Variants in AGBL4 observed in about 807,000 individuals in gnomAD.
The protein encoded by AGBL4 is cytosolic carboxypeptidase 6.
A neutral mutation model predicts 66.4 loss-of-function variants in AGBL4; 58 were observed. The observed-to-expected ratio is 0.87, with a 90% confidence interval of 0.71 to 1.09. The LOEUF (loss-of-function observed/expected upper bound fraction) is 1.09. Among genes scored for constraint, AGBL4 ranks in the 50% least tolerant of loss-of-function variants. The pLI is 0.00. For missense variants in AGBL4, 579 were observed against 631.0 expected (o/e 0.92, Z 0.88); for synonymous variants, 234 against 222.9 (o/e 1.05, Z -0.44).
At chr1:49,694,259 G>T in intron 3 of AGBL4, among the ~76,000 whole-genome samples, 1 of 152,050 alleles carries the variant, frequency 6.6e-6, no homozygotes, top group Non-Finnish European at 1.5e-5. Flanking sequence ...ATTATAGAAA[G>T]AGATGCTATA....
intron 5 of AGBL4, among the ~76,000 whole-genome samples, chr1:48,947,250 T>A (rs1368054394): frequency 2.6e-5 from 4 of 152,234 alleles, no homozygotes; most frequent in African/African-American, 7.2e-5. Context: ...CTTCATTACA[T>A]TTTAAAATAG....
At chr1:49,462,411 C>CA (rs2148700568) in intron 3 of AGBL4, among the ~76,000 whole-genome samples, 1 of 151,788 alleles carries the variant, frequency 6.6e-6, no homozygotes, top group African/African-American at 2.4e-5. Context: ...ACACTGACCA[C>CA]ATTGAAATGA....
At chr1:48,745,342 T>G (rs1650574764) in intron 6 of AGBL4, among the ~76,000 whole-genome samples, 2 of 152,106 alleles carry the variant, frequency 1.3e-5, no homozygotes, top group African/African-American at 4.8e-5. Flanking sequence ...GGCTGTTAAG[T>G]TGAAATCAGA....
At chr1:48,901,475 C>T (rs1312672308) in intron 5 of AGBL4, among the ~76,000 whole-genome samples, 1 of 151,992 alleles carries the variant, frequency 6.6e-6, no homozygotes, top group Non-Finnish European at 1.5e-5. Flanking sequence ...CAAATGTGCA[C>T]CAATTCGAAC....
chr1:49,443,251 G>T (rs2148671280), intron 3 of AGBL4, among the ~76,000 whole-genome samples: 1 of 152,000 alleles, frequency 6.6e-6, no homozygotes, highest in African/African-American at 2.4e-5. Flanking sequence ...TTCTTTTGTT[G>T]TGAAGAAGCT....
intron 5 of AGBL4, among the ~76,000 whole-genome samples, chr1:48,970,772 T>A (rs774363052): frequency 2.6e-5 from 4 of 152,112 alleles, no homozygotes; most frequent in African/African-American, 4.8e-5. Context: ...GGTAGTGGAA[T>A]AAGCACAGCA....
At chr1:49,633,625 A>G (rs962976671) in intron 3 of AGBL4, among the ~76,000 whole-genome samples, 1 of 152,028 alleles carries the variant, frequency 6.6e-6, no homozygotes, top group African/African-American at 2.4e-5. Context: ...CACCACTGTA[A>G]TCTAGCCTGG....
chr1:49,146,408 A>T (rs1232970955), intron 4 of AGBL4, among the ~76,000 whole-genome samples: 1 of 152,172 alleles, frequency 6.6e-6, no homozygotes, highest in Admixed American at 6.5e-5. Context: ...AATTAAAAAT[A>T]AAAAAATTAA....
chr1:48,806,404 G>C (rs1394076326), intron 6 of AGBL4, among the ~76,000 whole-genome samples: 1 of 152,158 alleles, frequency 6.6e-6, no homozygotes, highest in Non-Finnish European at 1.5e-5. Context: ...ACTTTTCAAA[G>C]CCACTAATCC....
At chr1:49,229,378 A>C (rs1650140600) in intron 4 of AGBL4, among the ~76,000 whole-genome samples, 1 of 152,232 alleles carries the variant, frequency 6.6e-6, no homozygotes, top group South Asian at 2.1e-4. Flanking sequence ...TTTTAAAAAG[A>C]GTAAGGAAGG....
intron 5 of AGBL4, among the ~76,000 whole-genome samples, chr1:48,933,711 T>G (rs921591073): frequency 6.6e-6 from 1 of 152,224 alleles, no homozygotes; most frequent in Non-Finnish European, 1.5e-5. Context: ...GTCAGGCCTC[T>G]GCTAAAGATC....
intron 4 of AGBL4, among the ~76,000 whole-genome samples, chr1:49,203,771 T>G (rs1250909093): frequency 1.3e-5 from 2 of 152,144 alleles, no homozygotes; most frequent in African/African-American, 2.4e-5. Context: ...GCCATTGCTC[T>G]CCAGCCTGGG....
At chr1:49,028,534 T>G (rs1224198763) in intron 5 of AGBL4, among the ~76,000 whole-genome samples, 1 of 152,122 alleles carries the variant, frequency 6.6e-6, no homozygotes, top group Non-Finnish European at 1.5e-5. Context: ...GTCAAAATGA[T>G]GAAAGCTTAG....
intron 6 of AGBL4, among the ~76,000 whole-genome samples, chr1:48,696,920 C>T (rs1157364728): frequency 6.6e-6 from 1 of 152,178 alleles, no homozygotes; most frequent in East Asian, 1.9e-4. Flanking sequence ...CCTGAGGAAG[C>T]CCTTGCTGAC....
chr1:49,403,265 T>C (rs1645126216), intron 3 of AGBL4, among the ~76,000 whole-genome samples: 1 of 152,226 alleles, frequency 6.6e-6, no homozygotes, highest in African/African-American at 2.4e-5. Context: ...TCTTTTTCTC[T>C]TGAAATGTAT....
At chr1:49,474,236 G>T (rs1479607064) in intron 3 of AGBL4, among the ~76,000 whole-genome samples, 1 of 152,022 alleles carries the variant, frequency 6.6e-6, no homozygotes, top group Non-Finnish European at 1.5e-5. Context: ...ACATTTTAAT[G>T]ATATTGGTTC....
At chr1:49,589,427 A>G (rs1250239262) in intron 3 of AGBL4, among the ~76,000 whole-genome samples, 3 of 152,072 alleles carry the variant, frequency 2.0e-5, no homozygotes, top group African/African-American at 7.2e-5. Context: ...GTCTCAATAG[A>G]CTTACCTATG....
intron 2 of AGBL4, among the ~76,000 whole-genome samples, chr1:49,760,372 T>A (rs1652214449): frequency 6.6e-6 from 1 of 152,178 alleles, no homozygotes; most frequent in Non-Finnish European, 1.5e-5. Context: ...TCTTTGCCCA[T>A]GCCTATGTCC....
intron 9 of AGBL4, among the ~76,000 whole-genome samples, chr1:48,617,095 C>G (rs530638472): frequency 2.4e-4 from 37 of 152,226 alleles, no homozygotes; most frequent in African/African-American, 8.9e-4. Context: ...GAGGGGGGAG[C>G]TGAGAAGATG....
Sources: allele counts gnomAD v4.1 joint callset (sites outside exome capture counted in the v4.1 genomes callset), GRCh38; gene constraint gnomAD v4.1.1; transcripts MANE v1.5; gene names NCBI Gene and HGNC (gene_info 2026-07-23, HGNC 2026-07-21).